SACS: variants seen among roughly 807,000 people sequenced by gnomAD.
SACS encodes the protein sacsin.
A neutral mutation model predicts 348.0 loss-of-function variants in SACS; 197 were observed. The ratio of observed to expected loss-of-function variants is 0.57; its 90% CI spans 0.50 to 0.64. The LOEUF is 0.64. SACS is among the 30% of genes least tolerant of loss of function. The pLI is 0.00. For synonymous variants in SACS, 1,985 were observed against 1,910.6 expected (o/e 1.04, Z -1.02); for missense variants, 4,999 against 5,360.8 (o/e 0.93, Z 2.11).
Position 23,341,304 on chromosome 13 carries a change from A to C in SACS, c.2572T>G (p.Ser858Ala), listed in dbSNP as rs762493571. 9.9e-6 allele frequency: 16 copies of C among 1,608,178 alleles called. No homozygotes were observed. Among genetic ancestry groups the C allele is most frequent in the Non-Finnish European group, 1.1e-5 (13 of 1,176,624 alleles). Residue 858 changes from serine (S) to alanine (A), a missense_variant, in exon 10 of 10, where the codon TCT (serine) becomes GCT (alanine). By Grantham distance (99) the Ser-to-Ala change is moderately conservative (BLOSUM62 1). This residue lies in a region of SACS where 3,156 missense variants were observed against 3,380.1 expected (regional missense o/e 0.93). Transcript: ENST00000382292. Reference protein sequence around the residue: ...GGFVLKKLDASIQHPLIKKYI... With the variant: ...GGFVLKKLDAAIQHPLIKKYI... ...TTTTTAATAAGCGGATGTTGTATAG[A>C]TGCATCTAATTTTTTAAGGACAAAC... is the stretch of plus-strand genomic sequence containing the variant.
intron 9 of SACS, among the ~76,000 whole-genome samples, chr13:23,342,505 G>T (rs1869332147): frequency 6.6e-6 from 1 of 152,128 alleles, no homozygotes; most frequent in Non-Finnish European, 1.5e-5. Flanking sequence ...TTTGGACTTT[G>T]GAATATTTAC....
chr13:23,375,028 G>C, intron 3 of SACS, 91 bp downstream of exon 3: 1 of 1,266,614 alleles, frequency 7.9e-7, no homozygotes, highest in Middle Eastern at 2.9e-4. Context: ...CGCGCCGCCC[G>C]CGGAAACCTG....
At position 23,375,278 on chromosome 13, in the gene SACS, A is replaced by G; in HGVS notation, c.21-9T>C. ...CGGTCACCGGGACCCACCTGTGGAA[A>G]GCAGAGGGACGCTCAGTCGGGCTGC... On this transcript the variant is annotated splice_polypyrimidine_tract_variant and intron_variant, in intron 2 of 9. Coordinates refer to ENST00000382292, the MANE Select transcript of SACS (RefSeq NM_014363.6). 1 of 1,446,306 alleles carries G rather than the reference A, an allele frequency of 6.9e-7. No homozygotes were observed. Among genetic ancestry groups the G allele is most frequent in the Non-Finnish European group, 9.2e-7 (1 of 1,092,632 alleles). 89.6% of individuals were successfully genotyped at this position (1,446,306 alleles called of 1,614,324 possible).
intron 5 of SACS, among the ~76,000 whole-genome samples, chr13:23,367,438 T>TA (rs763677572): frequency 1.3e-5 from 2 of 152,174 alleles, no homozygotes; most frequent in Non-Finnish European, 2.9e-5. Flanking sequence ...CTGAAGGTAA[T>TA]AAACACTAAA....
chr13:23,404,814 T>C (rs1358650432), intron 2 of SACS, among the ~76,000 whole-genome samples: 2 of 152,046 alleles, frequency 1.3e-5, no homozygotes, highest in African/African-American at 4.8e-5. Flanking sequence ...TCACAATCGC[T>C]ACAAAAAGAA....
chr13:23,366,337 G>A (rs1871060280), intron 5 of SACS, among the ~76,000 whole-genome samples: 1 of 152,210 alleles, frequency 6.6e-6, no homozygotes, highest in African/African-American at 2.4e-5. Context: ...AAGGGCTGGA[G>A]TGTGGTACCC....
At chr13:23,393,909 T>C (rs1027674027) in intron 2 of SACS, among the ~76,000 whole-genome samples, 10 of 152,168 alleles carry the variant, frequency 6.6e-5, no homozygotes, top group African/African-American at 2.2e-4. Context: ...TACAGGCGCC[T>C]GCCACCGCGC....
At chr13:23,399,529 A>G (rs749770208) in intron 2 of SACS, among the ~76,000 whole-genome samples, 1 of 152,032 alleles carries the variant, frequency 6.6e-6, no homozygotes, top group Non-Finnish European at 1.5e-5. Flanking sequence ...CTAATTAGCC[A>G]TATTCAATTT....
chr13:23,355,688 G>C lies in SACS; in HGVS notation c.924C>G (p.Leu308=), dbSNP rs368573394. The C allele has an allele frequency of 8.1e-6, 13 of 1,614,120 alleles. No homozygotes were observed. In the East Asian group the frequency reaches 1.1e-4, roughly 14 times the overall value. Residue 308 remains leucine (L), a synonymous_variant, in exon 8 of 10, where the codon CTC becomes CTG. Transcript: ENST00000382292. The stretch of plus-strand genomic sequence containing the variant: ...AAACATCCTGCACACTTTTCAGAAA[G>C]AGCAGCACTGTGTCTGCATCTGCCC... ...SFRADADTVL[L]FLKSVQDVSL...
In SACS at chr13:23,339,840, C is replaced by A; in HGVS notation, c.4036G>T (p.Asp1346Tyr). 1 of 1,613,158 alleles carries A rather than the reference C, an allele frequency of 6.2e-7. No homozygotes were observed. Among genetic ancestry groups the A allele is most frequent in the Non-Finnish European group, 8.5e-7 (1 of 1,179,582 alleles). ...TGTTTGCTTTCTTGTTCACTGAGAT[C>A]TTGGTCACTTTTGAGATATATCTTC... ...IQKIYLKSDQ[D>Y]LSEQESKQNL... Residue 1346 changes from aspartate to tyrosine, a missense_variant, in exon 10 of 10, where the codon GAT (aspartate) becomes TAT (tyrosine). Asp to Tyr is a radical substitution (Grantham distance 160). Around this residue, in one of 6 missense-constraint regions of SACS, gnomAD observed 3,156 missense variants for 3,380.1 expected, o/e 0.93. Transcript: ENST00000382292.
chr13:23,330,677 G>A lies in SACS; in HGVS notation c.13199C>T (p.Ser4400Leu). The A allele has an allele frequency of 6.2e-7, 1 of 1,614,038 alleles. No individual in the cohort carries two copies. Among genetic ancestry groups the A allele is most frequent in the Non-Finnish European group, 8.5e-7 (1 of 1,179,948 alleles). ...ATGGCTCGTTGCTTCTTGATTCCAT[G>A]AAGTATAGAATCTCTGAAATGAGTA... ...DKYSFQRFYTSWNQEATSHKS... is the reference protein window; with the variant it reads ...DKYSFQRFYTLWNQEATSHKS... Residue 4400 changes from serine to leucine, a missense_variant, in exon 10 of 10, where the codon TCA (serine) becomes TTA (leucine). By Grantham distance (145) the Ser-to-Leu change is moderately radical. Transcript: ENST00000382292.
chr13:23,399,287 T>C (rs1231264756), intron 2 of SACS, among the ~76,000 whole-genome samples: 1 of 152,156 alleles, frequency 6.6e-6, no homozygotes, highest in Non-Finnish European at 1.5e-5. Flanking sequence ...TGTTCTTTGT[T>C]CTCGAGATCA....
chr13:23,360,838 T>C (rs983736081), intron 6 of SACS, among the ~76,000 whole-genome samples: 15 of 150,184 alleles, frequency 1.0e-4, no homozygotes, highest in Non-Finnish European at 2.2e-4. Context: ...TCATTGCACC[T>C]CCGCCTCCCG....
chr13:23,406,974 G>A (rs1873252392), intron 2 of SACS, among the ~76,000 whole-genome samples: 1 of 152,164 alleles, frequency 6.6e-6, no homozygotes, highest in African/African-American at 2.4e-5. Context: ...ATTAAAGTCA[G>A]CCATTTGGCA....
chr13:23,329,168 A>G lies in SACS; in HGVS notation c.*968T>C, dbSNP rs1883312840. The G allele has an allele frequency of 4.9e-6, 2 of 407,238 alleles. No homozygotes were observed. The highest frequency in any genetic ancestry group is 8.6e-6 in the Non-Finnish European group (2 of 233,318). 25.2% of individuals were successfully genotyped at this position (407,238 alleles called of 1,614,324 possible). A position where few individuals can be genotyped will look rare whatever the true frequency, so the allele number is the denominator to read the frequency against. Reference sequence around the variant, plus strand: ...AAATATAAGCCGATAATTATAAACTACTAGATAACACAATGATTTTAACAA... The same window carrying G: ...AAATATAAGCCGATAATTATAAACTGCTAGATAACACAATGATTTTAACAA... On this transcript the variant is annotated 3_prime_UTR_variant, in exon 10 of 10. Coordinates refer to ENST00000382292, the MANE Select transcript of SACS (RefSeq NM_014363.6).
chr13:23,375,257 C>T lies in SACS; in HGVS notation c.33G>A (p.Val11=). 1 of 1,473,232 alleles carries T rather than the reference C, an allele frequency of 6.8e-7. No homozygotes were observed. The highest frequency in any genetic ancestry group is 9.0e-7 in the Non-Finnish European group (1 of 1,108,660). 91.3% of individuals were successfully genotyped at this position (1,473,232 alleles called of 1,614,324 possible). The change falls in exon 3 of 10, where the codon GTG becomes GTA. Residue 11 remains valine (V), a synonymous_variant. Coordinates refer to ENST00000382292, the MANE Select transcript of SACS (RefSeq NM_014363.6). METKENRWVP[V]TVLPGCVGCR... ...AGCCCACGCAGCCGGGGAGCACGGT[C>T]ACCGGGACCCACCTGTGGAAAGCAG... is the stretch of plus-strand genomic sequence containing the variant.
intron 1 of SACS, among the ~76,000 whole-genome samples, chr13:23,421,606 T>C (rs1345564339): frequency 6.6e-6 from 1 of 152,072 alleles, no homozygotes; most frequent in Non-Finnish European, 1.5e-5. Flanking sequence ...CATTGTGTCC[T>C]GCTGTGGCAC....
At chr13:23,402,182 A>T (rs1433493569) in intron 2 of SACS, among the ~76,000 whole-genome samples, 1 of 151,988 alleles carries the variant, frequency 6.6e-6, no homozygotes, top group Non-Finnish European at 1.5e-5. Flanking sequence ...CATCTCGAAA[A>T]AAAAAAAAAA....
intron 2 of SACS, among the ~76,000 whole-genome samples, chr13:23,398,573 G>C (rs1008011840): frequency 1.5e-4 from 22 of 151,318 alleles, no homozygotes; most frequent in Admixed American, 4.6e-4. Context: ...GTTTGGTTCA[G>C]AAAGGTGGAA....
Sources: allele counts gnomAD v4.1 joint callset (sites outside exome capture counted in the v4.1 genomes callset), GRCh38; gene constraint gnomAD v4.1.1; regional missense constraint gnomAD v4.1.1; transcripts MANE v1.5; gene names NCBI Gene and HGNC (gene_info 2026-07-23, HGNC 2026-07-21).